The following HDAC4 variants were observed in gnomAD, a reference collection of about 807,000 sequenced individuals.
HDAC4 encodes histone deacetylase 4.
HDAC4 carries 16 observed loss-of-function variants against 135.1 expected under a neutral mutation model. That is an observed-to-expected ratio of 0.12 (90% CI 0.08 to 0.18). The LOEUF is 0.18. HDAC4 is among the 10% of genes least tolerant of loss of function. HDAC4 has a pLI of 1.00. For synonymous variants in HDAC4, 685 were observed against 653.4 expected (o/e 1.05, Z -0.74); for missense variants, 1,143 against 1,511.8 (o/e 0.76, Z 4.05).
At chr2:239,147,535 C>T (rs1404000326) in intron 7 of HDAC4, among the ~76,000 whole-genome samples, 1 of 152,280 alleles carries the variant, frequency 6.6e-6, no homozygotes, top group Non-Finnish European at 1.5e-5. Context: ...AGCCCCTTCA[C>T]CGCCCTCGCG....
intron 22 of HDAC4, among the ~76,000 whole-genome samples, chr2:239,070,337 G>A (rs1200171168): frequency 6.6e-6 from 1 of 152,236 alleles, no homozygotes; most frequent in Non-Finnish European, 1.5e-5. Context: ...GAACCACTGA[G>A]AAATTCTTTA....
intron 16 of HDAC4, among the ~76,000 whole-genome samples, chr2:239,098,673 G>A (rs899737449): frequency 6.6e-6 from 1 of 152,204 alleles, no homozygotes; most frequent in South Asian, 2.1e-4. Flanking sequence ...CCTTGCACAC[G>A]GCTTAGCGGC....
intron 8 of HDAC4, among the ~76,000 whole-genome samples, chr2:239,142,874 C>T (rs2041491518): frequency 6.8e-6 from 1 of 146,840 alleles, no homozygotes; most frequent in Admixed American, 6.7e-5. Context: ...CACGCCCTGC[C>T]GCATGGCTCC....
chr2:239,272,041 C>G (rs1190251309), intron 2 of HDAC4, among the ~76,000 whole-genome samples: 1 of 152,194 alleles, frequency 6.6e-6, no homozygotes, highest in Non-Finnish European at 1.5e-5. Context: ...TCTGTGAAAC[C>G]TTCCATTTAC....
chr2:239,104,100 A>G (rs11678103), intron 15 of HDAC4, among the ~76,000 whole-genome samples: 2,353 of 152,268 alleles, frequency 0.015, 27 homozygotes, highest in Non-Finnish European at 0.023. Flanking sequence ...CATCCACATA[A>G]CCTAGTGCTG....
chr2:239,181,179 C>T lies in HDAC4; in HGVS notation c.340-4616G>A, dbSNP rs547214063. 1.6e-4 allele frequency among the ~76,000 whole-genome samples: 25 copies of T among 152,382 alleles called. 1 individual carries two copies. The South Asian group carries it at 4.3e-3, about 27-fold the overall frequency. ...CCCTGTCCACAAACACGCCCACCCA[C>T]CTACAGCCCTCACAAGGGGGGTGGG... On this transcript the variant is annotated intron_variant, in intron 4 of 26. Coordinates refer to ENST00000543185, the MANE Select transcript of HDAC4 (RefSeq NM_001378414.1).
chr2:239,307,788 G>T lies in HDAC4; in HGVS notation c.22+44890C>A, dbSNP rs115734814. Among the ~76,000 whole-genome samples the T allele has an allele frequency of 6.6e-6, 1 of 152,100 alleles. No individual in the cohort carries two copies. The highest frequency in any genetic ancestry group is 2.4e-5 in the African/African-American group (1 of 41,406). ...TGGAATGAGGATGTCGGAGTGTTTC[G>T]TGCTTTCTTTCCAGAGGGTTTCCCA... On this transcript the variant is annotated intron_variant, in intron 2 of 26. Coordinates refer to ENST00000543185, the MANE Select transcript of HDAC4 (RefSeq NM_001378414.1). This position sits in a 1 kb window ranked among gnomAD's most constrained non-coding sequence, Gnocchi z 4.8.
chr2:239,305,167 C>T (rs553634585), intron 2 of HDAC4, among the ~76,000 whole-genome samples: 97 of 152,354 alleles, frequency 6.4e-4, no homozygotes, highest in African/African-American at 2.3e-3. Flanking sequence ...TTGAGTAACA[C>T]AAATACGGCC....
chr2:239,084,424 G>A (rs972710329), intron 19 of HDAC4, among the ~76,000 whole-genome samples, 182 bp from the exon 20 acceptor site: 12 of 151,314 alleles, frequency 7.9e-5, no homozygotes, highest in Admixed American at 2.6e-4. Context: ...AGACAGACAC[G>A]TACACACCCC....
Position 239,226,234 on chromosome 2 carries a change from C to G in HDAC4, c.94+10359G>C, listed in dbSNP as rs540891825. On this transcript the variant is annotated intron_variant, in intron 3 of 26. Transcript: ENST00000543185. ...TGCAAAAATTCATTCCTGGATAATA[C>G]TTTTGGCCACCAGTGACACTCCGAA... Among the ~76,000 whole-genome samples, 56 of 152,286 alleles carry G rather than the reference C, an allele frequency of 3.7e-4. 1 individual carries two copies. In the South Asian group the frequency reaches 0.01, roughly 28 times the overall value.
At chr2:239,102,001 C>T (rs1270332141) in intron 16 of HDAC4, among the ~76,000 whole-genome samples, 1 of 147,684 alleles carries the variant, frequency 6.8e-6, no homozygotes, top group East Asian at 2.1e-4. Flanking sequence ...GGTCCACGTT[C>T]TGTGCCCTGG....
At chr2:239,373,691 C>T (rs753060992) in intron 1 of HDAC4, among the ~76,000 whole-genome samples, 29 of 152,132 alleles carry the variant, frequency 1.9e-4, no homozygotes, top group African/African-American at 2.7e-4. Context: ...CTTGAACTCC[C>T]GACCTCAGGT....
intron 24 of HDAC4, among the ~76,000 whole-genome samples, chr2:239,066,419 G>A (rs1478220356): frequency 1.3e-5 from 2 of 152,246 alleles, no homozygotes; most frequent in African/African-American, 4.8e-5. Flanking sequence ...TGTGCTCCAC[G>A]TAATGGAGAG....
intron 3 of HDAC4, among the ~76,000 whole-genome samples, chr2:239,216,203 C>A (rs1255785776): frequency 6.6e-6 from 1 of 152,016 alleles, no homozygotes; most frequent in Non-Finnish European, 1.5e-5. Context: ...TATATATACA[C>A]ACACACACAT....
intron 4 of HDAC4, among the ~76,000 whole-genome samples, chr2:239,184,643 G>A (rs1433776744): frequency 1.5e-5 from 2 of 133,548 alleles, no homozygotes; most frequent in African/African-American, 5.5e-5. Flanking sequence ...GGGTCCCTCA[G>A]TGTCTGTCCT....
At chr2:239,270,359 A>C (rs566482961) in intron 2 of HDAC4, among the ~76,000 whole-genome samples, 66 of 152,308 alleles carry the variant, frequency 4.3e-4, no homozygotes, top group African/African-American at 1.6e-3. Flanking sequence ...CTGCCCCCCG[A>C]TGTATTCAAC....
chr2:239,341,061 C>A (rs547418702), intron 2 of HDAC4, among the ~76,000 whole-genome samples: 1 of 152,340 alleles, frequency 6.6e-6, no homozygotes, highest in East Asian at 1.9e-4. Flanking sequence ...AACTAAAACT[C>A]CTCATCTCTC....
At chr2:239,197,338 C>T (rs2045461314) in intron 3 of HDAC4, among the ~76,000 whole-genome samples, 1 of 152,172 alleles carries the variant, frequency 6.6e-6, no homozygotes, top group African/African-American at 2.4e-5. Flanking sequence ...GAGTGTGACT[C>T]GATGTCTCTC....
chr2:239,253,391 A>G (rs2048891568), intron 2 of HDAC4, among the ~76,000 whole-genome samples: 1 of 152,248 alleles, frequency 6.6e-6, no homozygotes, highest in Admixed American at 6.5e-5. Context: ...TAATATTCAG[A>G]CAACTAGAAA....
Sources: allele counts gnomAD v4.1 joint callset (sites outside exome capture counted in the v4.1 genomes callset), GRCh38; gene constraint gnomAD v4.1.1; non-coding constraint Gnocchi (gnomAD v3.1); transcripts MANE v1.5; gene names NCBI Gene and HGNC (gene_info 2026-07-23, HGNC 2026-07-21).